TJP1: variants seen among roughly 807,000 people sequenced by gnomAD.
The protein encoded by TJP1 is tight junction protein 1.
A neutral mutation model predicts 194.2 loss-of-function variants in TJP1; 43 were observed. The ratio of observed to expected loss-of-function variants is 0.22; its 90% CI spans 0.17 to 0.29. The LOEUF is 0.29. Among genes scored for constraint, TJP1 ranks in the 10% least tolerant of loss-of-function variants. The pLI, the probability that TJP1 is intolerant of heterozygous loss-of-function variation, is 1.00. For synonymous variants in TJP1, 801 were observed against 779.0 expected (o/e 1.03, Z -0.47); for missense variants, 1,971 against 2,185.7 (o/e 0.90, Z 1.96).
At chr15:29,758,957 C>T (rs1484414171) in intron 8 of TJP1, 1 of 152,148 alleles carries the variant, frequency 6.6e-6, no homozygotes, top group East Asian at 1.9e-4. Flanking sequence ...ATAAAAACTA[C>T]AGTAGATACG....
intron 2 of TJP1, among the ~76,000 whole-genome samples, chr15:29,903,635 G>A (rs975552614): frequency 2.0e-4 from 31 of 152,170 alleles, no homozygotes; most frequent in Admixed American, 9.2e-4. Context: ...TAGTAGAGAC[G>A]GGGTTTCGCT....
intron 7 of TJP1, 21 bp downstream of exon 7, chr15:29,761,580 T>TGAA: frequency 6.3e-7 from 1 of 1,578,354 alleles, no homozygotes; most frequent in Non-Finnish European, 8.6e-7. Context: ...AGAGGGAACG[T>TGAA]TCAAACAGAA....
chr15:29,839,907 T>C (rs1249570806), intron 2 of TJP1, among the ~76,000 whole-genome samples: 1 of 152,210 alleles, frequency 6.6e-6, no homozygotes, highest in Non-Finnish European at 1.5e-5. Flanking sequence ...TGCCAACATA[T>C]GATGTTTTCA....
At chr15:29,714,040 T>A (rs1358337149) in intron 23 of TJP1, among the ~76,000 whole-genome samples, 2 of 152,190 alleles carry the variant, frequency 1.3e-5, no homozygotes, top group African/African-American at 4.8e-5. Context: ...TGGATGCACC[T>A]AGTATACCAT....
rs534806744 is a variant in TJP1, at chr15:29,720,121, A to G, written c.2764-105T>C. 614 of 1,436,706 alleles carry G rather than the reference A, an allele frequency of 4.3e-4. 3 individuals carry two copies. The South Asian group carries it at 8.2e-3, about 19-fold the overall frequency. The allele number at this position is 1,436,706 out of a possible 1,614,324, so 89.0% of individuals were successfully genotyped here. On this transcript the variant is annotated intron_variant, in intron 19 of 27. Transcript: ENST00000614355. ...GACATACATTTTAAGTGTGCTGAAT[A>G]ACAAAATTATGACCTCATGTCCTAA... is the stretch of plus-strand genomic sequence containing the variant.
chr15:29,894,491 A>G (rs138990423), intron 2 of TJP1, among the ~76,000 whole-genome samples: 172 of 152,356 alleles, frequency 1.1e-3, no homozygotes, highest in African/African-American at 3.9e-3. Context: ...AAAAAAGCAT[A>G]CACATAAAGG....
At chr15:29,802,186 T>A (rs547206370) in intron 1 of TJP1, among the ~76,000 whole-genome samples, 1 of 152,302 alleles carries the variant, frequency 6.6e-6, no homozygotes, top group African/African-American at 2.4e-5. Flanking sequence ...GGGAGAAGGC[T>A]AAGCATGACA....
chr15:29,774,724 T>C (rs965986198), intron 2 of TJP1, among the ~76,000 whole-genome samples: 1 of 152,036 alleles, frequency 6.6e-6, no homozygotes, highest in Non-Finnish European at 1.5e-5. Flanking sequence ...ATGAACTGCA[T>C]ACTTTAATTG....
intron 8 of TJP1, among the ~76,000 whole-genome samples, chr15:29,756,968 T>C (rs576938473): frequency 6.6e-6 from 1 of 152,334 alleles, no homozygotes; most frequent in South Asian, 2.1e-4. Context: ...TTATTACTAC[T>C]ATGAATCACC....
chr15:29,781,521 CT>C (rs1322672603), intron 2 of TJP1, among the ~76,000 whole-genome samples: 1 of 152,070 alleles, frequency 6.6e-6, no homozygotes, highest in Non-Finnish European at 1.5e-5. Context: ...AAAAACAAAA[CT>C]TCAGGCAAAT....
At chr15:29,845,054 C>T (rs1034398264) in intron 2 of TJP1, among the ~76,000 whole-genome samples, 3 of 152,050 alleles carry the variant, frequency 2.0e-5, no homozygotes, top group Non-Finnish European at 4.4e-5. Context: ...GTGTCAAATG[C>T]TATTGTTAGG....
At chr15:29,787,975 C>A (rs968802873) in intron 2 of TJP1, among the ~76,000 whole-genome samples, 3 of 152,300 alleles carry the variant, frequency 2.0e-5, no homozygotes, top group Non-Finnish European at 4.4e-5. Context: ...TCCTTGCCAA[C>A]CTTTATTGTC....
chr15:29,899,996 T>C (rs571370775), intron 2 of TJP1, among the ~76,000 whole-genome samples: 10 of 151,928 alleles, frequency 6.6e-5, no homozygotes, highest in Non-Finnish European at 1.2e-4. Flanking sequence ...ATAAAATGAA[T>C]GAGCAAAATG....
chr15:29,899,687 A>G (rs951149011), intron 2 of TJP1, among the ~76,000 whole-genome samples: 2 of 152,194 alleles, frequency 1.3e-5, no homozygotes, highest in Non-Finnish European at 2.9e-5. Context: ...CTACATTAGG[A>G]GTTCAATAAT....
chr15:29,941,517 T>A (rs1310170803), intron 2 of TJP1, among the ~76,000 whole-genome samples: 1 of 152,178 alleles, frequency 6.6e-6, no homozygotes, highest in Non-Finnish European at 1.5e-5. Context: ...CCTCTAGGGT[T>A]GGGAACCACC....
intron 1 of TJP1, among the ~76,000 whole-genome samples, chr15:29,966,266 G>T (rs1433546961): frequency 6.6e-6 from 1 of 152,160 alleles, no homozygotes; most frequent in Non-Finnish European, 1.5e-5. Context: ...ACTTTGGAAG[G>T]CCAAGGCAGG....
intron 2 of TJP1, among the ~76,000 whole-genome samples, chr15:29,876,249 G>C (rs113380776): frequency 0.05 from 7,549 of 152,270 alleles, 307 homozygotes; most frequent in African/African-American, 0.1. Flanking sequence ...GCCGGGTGTG[G>C]TGGCTCATGC....
At chr15:29,883,500 C>T (rs1301157607) in intron 2 of TJP1, among the ~76,000 whole-genome samples, 1 of 152,138 alleles carries the variant, frequency 6.6e-6, no homozygotes, top group African/African-American at 2.4e-5. Flanking sequence ...TAAGTATAAT[C>T]TCCTACATTC....
chr15:29,869,109 G>T (rs1286621461), intron 2 of TJP1, among the ~76,000 whole-genome samples: 1 of 152,190 alleles, frequency 6.6e-6, no homozygotes, highest in African/African-American at 2.4e-5. Context: ...AATAAAGCCA[G>T]ATTCCGATCT....
Sources: allele counts gnomAD v4.1 joint callset (sites outside exome capture counted in the v4.1 genomes callset), GRCh38; gene constraint gnomAD v4.1.1; transcripts MANE v1.5; gene names NCBI Gene and HGNC (gene_info 2026-07-23, HGNC 2026-07-21).